Variants in CCDC171 observed in about 807,000 individuals in gnomAD.
CCDC171 encodes the protein coiled-coil domain containing 171.
In CCDC171, 177 loss-of-function variants were observed where a neutral mutation model predicts 168.2. That is an observed-to-expected ratio of 1.05 (90% confidence interval 0.93 to 1.19). CCDC171 has a LOEUF of 1.19. Ranked by LOEUF, CCDC171 falls within the 50% of genes most tolerant of loss-of-function variation. The probability of loss-of-function intolerance (pLI) is 0.00; values close to 1 mark genes in which losing one functional copy is unlikely to be tolerated. For synonymous variants in CCDC171, 687 were observed against 540.8 expected (o/e 1.27, Z -3.75); for missense variants, 1,991 against 1,539.0 (o/e 1.29, Z -4.91).
At chr9:15,823,982 G>C (rs2059906172) in intron 21 of CCDC171, among the ~76,000 whole-genome samples, 2 of 152,062 alleles carry the variant, frequency 1.3e-5, no homozygotes, top group East Asian at 3.9e-4. Context: ...CCCACTTGAA[G>C]AAAACTTAAT....
chr9:16,048,267 G>C (rs931005497), intron 1 of CCDC171, among the ~76,000 whole-genome samples: 4 of 147,922 alleles, frequency 2.7e-5, no homozygotes, highest in Admixed American at 6.6e-5. Flanking sequence ...AACGTGTAGA[G>C]CTCTTAGTTG....
intron 18 of CCDC171, among the ~76,000 whole-genome samples, chr9:15,774,352 A>G (rs1418223909): frequency 6.6e-6 from 1 of 151,394 alleles, no homozygotes; most frequent in Admixed American, 6.6e-5. Context: ...AGCAGATGGA[A>G]AAGTGCTCAA....
chr9:15,659,798 C>G (rs2133013121), intron 8 of CCDC171, among the ~76,000 whole-genome samples: 1 of 152,134 alleles, frequency 6.6e-6, no homozygotes, highest in East Asian at 1.9e-4. Context: ...TAGATTAAAA[C>G]TAGTTTAGAC....
At chr9:15,662,905 C>T (rs961154226) in intron 8 of CCDC171, among the ~76,000 whole-genome samples, 4 of 152,122 alleles carry the variant, frequency 2.6e-5, no homozygotes, top group East Asian at 3.9e-4. Context: ...CGCTTGAATC[C>T]AGGGGGCGGA....
chr9:15,931,761 A>G (rs1243344513), intron 25 of CCDC171, among the ~76,000 whole-genome samples: 1 of 151,570 alleles, frequency 6.6e-6, no homozygotes, highest in Non-Finnish European at 1.5e-5. Context: ...TGCATTTTAC[A>G]TTTAAGTCTA....
rs1037010327 is a variant in CCDC171 at position 15,823,598 on chromosome 9, A to G, written c.3268-23104A>G. Among the ~76,000 whole-genome samples the G allele has an allele frequency of 1.6e-4, 25 of 152,124 alleles. 1 individual carries two copies. Among genetic ancestry groups the G allele is most frequent in the Admixed American group, 1.3e-4 (2 of 15,274 alleles). On this transcript the variant is annotated intron_variant, in intron 21 of 25. Coordinates refer to ENST00000380701, the MANE Select transcript of CCDC171 (RefSeq NM_173550.4). ...CTTACATTGTATAAACGAAGAAAGA[A>G]AAATAATTGCAAAGAACTTGACAAT...
intron 18 of CCDC171, among the ~76,000 whole-genome samples, chr9:15,770,900 A>G (rs943007659): frequency 1.3e-5 from 2 of 152,212 alleles, no homozygotes; most frequent in African/African-American, 2.4e-5. Context: ...CGAGTATCCC[A>G]TACATGTGTA....
At chr9:16,009,438 TCTTA>T (rs1445869476) in intron 3 of CCDC171, among the ~76,000 whole-genome samples, 6 of 152,344 alleles carry the variant, frequency 3.9e-5, no homozygotes, top group African/African-American at 1.4e-4. Context: ...TTAGAAACAT[TCTTA>T]CTTAAATAAT....
At chr9:15,694,222 A>G (rs918612953) in intron 10 of CCDC171, among the ~76,000 whole-genome samples, 2 of 151,864 alleles carry the variant, frequency 1.3e-5, no homozygotes, top group Non-Finnish European at 2.9e-5. Flanking sequence ...GGCTCTTTTC[A>G]TTTCCCATCA....
chr9:15,571,384 A>T (rs185032594), intron 2 of CCDC171, among the ~76,000 whole-genome samples: 5 of 152,200 alleles, frequency 3.3e-5, no homozygotes, highest in African/African-American at 1.2e-4. Flanking sequence ...ATCTTGAATA[A>T]TGTGGTAATT....
chr9:15,811,405 G>T (rs1482149058), intron 21 of CCDC171, among the ~76,000 whole-genome samples: 1 of 151,856 alleles, frequency 6.6e-6, no homozygotes, highest in Non-Finnish European at 1.5e-5. Context: ...AAAGGCTTGG[G>T]TTTTTTTTCT....
chr9:15,812,455 C>T (rs558206438), intron 21 of CCDC171, among the ~76,000 whole-genome samples: 1 of 152,106 alleles, frequency 6.6e-6, no homozygotes, highest in East Asian at 1.9e-4. Flanking sequence ...CTAAAAACCC[C>T]ACAAGTCTGG....
intron 1 of CCDC171, 124 bp from the exon 2 acceptor site, chr9:15,563,854 T>A (rs1195244290): frequency 4.5e-6 from 2 of 439,726 alleles, no homozygotes; most frequent in African/African-American, 4.2e-5. Flanking sequence ...GGTCTAGATA[T>A]CTCTATACAC....
chr9:15,634,868 G>C (rs2046078162), intron 7 of CCDC171, among the ~76,000 whole-genome samples: 1 of 152,078 alleles, frequency 6.6e-6, no homozygotes, highest in Non-Finnish European at 1.5e-5. Context: ...GCCTATTCTA[G>C]ACATTCCTTA....
chr9:15,989,546 C>A (rs1249356942), intron 3 of CCDC171, among the ~76,000 whole-genome samples: 1 of 152,128 alleles, frequency 6.6e-6, no homozygotes, highest in Admixed American at 6.5e-5. Context: ...GAACGCAGCT[C>A]CTTGCCAGCA....
chr9:16,006,372 T>C (rs560957078), intron 3 of CCDC171, among the ~76,000 whole-genome samples: 1 of 152,344 alleles, frequency 6.6e-6, no homozygotes, highest in South Asian at 2.1e-4. Flanking sequence ...TTTTCATGTG[T>C]TTATGAGCTA....
At chr9:16,107,128 AT>A in the CCDC171 span, among the ~76,000 whole-genome samples, 4 of 152,044 alleles carry the variant, frequency 2.6e-5, no homozygotes, top group African/African-American at 7.2e-5. Flanking sequence ...ATTTGCAGAC[AT>A]TTTTTTCCTA....
intron 24 of CCDC171, among the ~76,000 whole-genome samples, chr9:15,918,460 T>C (rs938933083): frequency 1.1e-4 from 16 of 151,004 alleles, no homozygotes; most frequent in Non-Finnish European, 7.4e-5. Context: ...TTGTGATTTC[T>C]GGTCTACTAT....
intron 8 of CCDC171, among the ~76,000 whole-genome samples, chr9:16,037,410 T>C (rs955611643): frequency 1.3e-5 from 2 of 152,178 alleles, no homozygotes; most frequent in African/African-American, 4.8e-5. Flanking sequence ...ATCCCCTGAA[T>C]AGAGAAAGCT....
Sources: gnomAD v4.1 joint callset for allele counts (sites outside exome capture counted in the v4.1 genomes callset) on GRCh38, gnomAD v4.1.1 for gene constraint, MANE v1.5 for transcripts, NCBI Gene and HGNC (gene_info 2026-07-23, HGNC 2026-07-21) for gene names.